Variants in ARSB observed in about 807,000 individuals in gnomAD.
The protein encoded by ARSB is N-acetylgalactosamine-4-sulfatase.
A neutral mutation model predicts 50.9 loss-of-function variants in ARSB; 41 were observed. The observed-to-expected ratio is 0.81, with a 90% CI of 0.63 to 1.04. The LOEUF (loss-of-function observed/expected upper bound fraction) is 1.04. Among genes scored for constraint, ARSB ranks in the 50% least tolerant of loss-of-function variants. The pLI is 0.00. For missense variants in ARSB, 672 were observed against 693.3 expected (o/e 0.97, Z 0.35); for synonymous variants, 269 against 284.8 (o/e 0.94, Z 0.56).
At chr5:78,889,083 C>T (rs1448883770) in intron 4 of ARSB, among the ~76,000 whole-genome samples, 3 of 152,206 alleles carry the variant, frequency 2.0e-5, no homozygotes, top group Admixed American at 2.0e-4. Context: ...AGCAATGGGG[C>T]AGAATCCACT....
intron 4 of ARSB, among the ~76,000 whole-genome samples, chr5:78,953,248 C>A (rs182344944): frequency 6.6e-6 from 1 of 152,338 alleles, no homozygotes; most frequent in African/African-American, 2.4e-5. Context: ...TTGCAGCACA[C>A]CATATGGAAA....
chr5:78,964,496 T>C lies in ARSB; in HGVS notation c.610A>G (p.Thr204Ala). The C allele has an allele frequency of 6.2e-7, 1 of 1,614,120 alleles. No individual in the cohort carries two copies. Among genetic ancestry groups the C allele is most frequent in the Non-Finnish European group, 8.5e-7 (1 of 1,179,960 alleles). Residue 204 changes from threonine (T) to alanine (A), a missense_variant, in exon 3 of 8, where the codon ACA becomes GCA. Coordinates refer to ENST00000264914, the MANE Select transcript of ARSB (RefSeq NM_000046.5). ...GTTGAATACATATTTTTATATCCTG[T>C]TGCAACTTCTTCGCCATCTCGAAAA... ...LDFRDGEEVATGYKNMYSTNI... is the reference protein window; with the variant it reads ...LDFRDGEEVAAGYKNMYSTNI...
At chr5:78,850,815 C>T (rs1237135473) in intron 5 of ARSB, among the ~76,000 whole-genome samples, 4 of 152,124 alleles carry the variant, frequency 2.6e-5, no homozygotes, top group African/African-American at 7.2e-5. Context: ...GTAATTTATC[C>T]GTTTCTTCTA....
intron 2 of ARSB, among the ~76,000 whole-genome samples, chr5:78,965,635 C>A (rs1752172711): frequency 6.6e-6 from 1 of 152,158 alleles, no homozygotes; most frequent in Admixed American, 6.5e-5. Flanking sequence ...GTGAATTATA[C>A]TTTGATAAAG....
Position 78,780,337 on chromosome 5 carries a change from C to A in ARSB, c.*60G>T. The A allele has an allele frequency of 6.2e-7, 1 of 1,609,094 alleles. No homozygotes were observed. Among genetic ancestry groups the A allele is most frequent in the East Asian group, 2.2e-5 (1 of 44,860 alleles). On this transcript the variant is annotated 3_prime_UTR_variant, in exon 8 of 8. Coordinates refer to ENST00000264914, the MANE Select transcript of ARSB (RefSeq NM_000046.5). Reference sequence around the variant, plus strand: ...TTGGGATAACAAATGAGACAAGAGTCGTGAGAAAAGGCCTGAGGTCCAACT... The same window carrying A: ...TTGGGATAACAAATGAGACAAGAGTAGTGAGAAAAGGCCTGAGGTCCAACT...
Position 78,946,333 on chromosome 5 carries a change from C to T in ARSB, c.898+8962G>A, listed in dbSNP as rs1012906492. ...CTTGTTTGCAGATGATACGATCTTA[C>T]ATTTGGAAAAACCTATAGCCTCCAC... On this transcript the variant is annotated intron_variant, in intron 4 of 7. Coordinates refer to ENST00000264914, the MANE Select transcript of ARSB (RefSeq NM_000046.5). 2.0e-5 allele frequency among the ~76,000 whole-genome samples: 3 copies of T among 152,168 alleles called. No homozygotes were observed. The East Asian group carries it at 5.8e-4, about 29-fold the overall frequency.
intron 3 of ARSB, among the ~76,000 whole-genome samples, chr5:78,963,895 T>C (rs1752098949): frequency 6.6e-6 from 1 of 152,134 alleles, no homozygotes; most frequent in South Asian, 2.1e-4. Flanking sequence ...ATGCAAAAGA[T>C]CTAGAATAGC....
At chr5:78,904,685 C>CTTTTTTTTTTTTTT (rs55920994) in intron 4 of ARSB, among the ~76,000 whole-genome samples, 2 of 98,932 alleles carry the variant, frequency 2.0e-5, no homozygotes, top group Non-Finnish European at 4.0e-5. Context: ...TTCTTTCTTT[C>CTTTTTTTTTTTTTT]TTTTTTTTTT....
chr5:78,805,026 C>G (rs1445967033), intron 6 of ARSB, among the ~76,000 whole-genome samples: 1 of 152,216 alleles, frequency 6.6e-6, no homozygotes, highest in Non-Finnish European at 1.5e-5. Context: ...GTGATAGCAA[C>G]ACGCAAGATA....
intron 5 of ARSB, among the ~76,000 whole-genome samples, chr5:78,845,349 A>C (rs1422067275): frequency 6.6e-6 from 1 of 152,116 alleles, no homozygotes; most frequent in Non-Finnish European, 1.5e-5. Context: ...GGGAGTGCAC[A>C]TATCTCCTTG....
At chr5:78,793,789 G>C (rs368317291) in intron 6 of ARSB, among the ~76,000 whole-genome samples, 124 of 152,314 alleles carry the variant, frequency 8.1e-4, no homozygotes, top group African/African-American at 2.9e-3. Flanking sequence ...GGCAAGGTGG[G>C]GACCTTGATT....
At chr5:78,905,684 T>C (rs562213822) in intron 4 of ARSB, among the ~76,000 whole-genome samples, 8 of 152,162 alleles carry the variant, frequency 5.3e-5, no homozygotes, top group East Asian at 1.9e-4. Flanking sequence ...GTGTGGCATA[T>C]ATGCACTTGG....
chr5:78,946,926 C>T (rs749708435), intron 4 of ARSB, among the ~76,000 whole-genome samples: 3 of 152,088 alleles, frequency 2.0e-5, no homozygotes, highest in Admixed American at 2.0e-4. Context: ...AGCATAAAAA[C>T]AGACACCTAG....
intron 5 of ARSB, among the ~76,000 whole-genome samples, chr5:78,841,088 C>T (rs985105633): frequency 6.6e-6 from 1 of 151,118 alleles, no homozygotes; most frequent in Admixed American, 6.6e-5. Flanking sequence ...TGAGGCCAGC[C>T]AGGAGTTTGA....
At chr5:78,845,310 G>A (rs1745396315) in intron 5 of ARSB, among the ~76,000 whole-genome samples, 1 of 151,936 alleles carries the variant, frequency 6.6e-6, no homozygotes, top group South Asian at 2.1e-4. Flanking sequence ...CTATATCTTG[G>A]GTATTGTGAA....
chr5:78,923,655 G>A, intron 4 of ARSB, among the ~76,000 whole-genome samples: 1 of 152,186 alleles, frequency 6.6e-6, no homozygotes, highest in East Asian at 1.9e-4. Context: ...TTCTGGAAAA[G>A]ACTTAAAACT....
At chr5:78,874,552 A>T (rs186464796) in intron 5 of ARSB, among the ~76,000 whole-genome samples, 14 of 152,302 alleles carry the variant, frequency 9.2e-5, no homozygotes, top group Admixed American at 8.5e-4. Context: ...AAACAGTAGG[A>T]TAAAATATAA....
Position 78,847,963 on chromosome 5 carries a change from G to C in ARSB, c.1143-8537C>G, listed in dbSNP as rs930883249. On this transcript the variant is annotated intron_variant, in intron 5 of 7. Coordinates refer to ENST00000264914, the MANE Select transcript of ARSB (RefSeq NM_000046.5). ...ACCATTTACATTCTTGATTCATCTA[G>C]CTAATTATTTGTCAGTTTTGTTAAT... 5.9e-5 allele frequency among the ~76,000 whole-genome samples: 9 copies of C among 151,870 alleles called. No individual in the cohort carries two copies. In the East Asian group the frequency reaches 1.7e-3, roughly 29 times the overall value.
At position 78,780,312 on chromosome 5, in the gene ARSB, T is replaced by A; in HGVS notation, c.*85A>T. The A allele has an allele frequency of 6.3e-7, 1 of 1,590,544 alleles. No individual in the cohort carries two copies. Among genetic ancestry groups the A allele is most frequent in the South Asian group, 1.1e-5 (1 of 89,934 alleles). On this transcript the variant is annotated 3_prime_UTR_variant, in exon 8 of 8. Transcript: ENST00000264914. ...AAGAGAAGGGCCAAGTGAACCCAGG[T>A]TGGGATAACAAATGAGACAAGAGTC...
Sources: allele counts gnomAD v4.1 joint callset (sites outside exome capture counted in the v4.1 genomes callset), GRCh38; gene constraint gnomAD v4.1.1; transcripts MANE v1.5; gene names NCBI Gene and HGNC (gene_info 2026-07-23, HGNC 2026-07-21).